Variants in DOCK5 observed in about 807,000 individuals in gnomAD.
DOCK5 encodes dedicator of cytokinesis 5, also known as dedicator of cytokinesis protein 5.
Under a neutral mutation model 251.8 loss-of-function variants are expected in DOCK5, and 142 were observed. The ratio of observed to expected loss-of-function variants is 0.56; its 90% confidence interval spans 0.49 to 0.65. The LOEUF (loss-of-function observed/expected upper bound fraction) is 0.65, where lower values mean the gene tolerates loss of function less well. Among genes scored for constraint, DOCK5 ranks in the 30% least tolerant of loss-of-function variants. The probability of loss-of-function intolerance (pLI) is 0.00; values close to 1 mark genes in which losing one functional copy is unlikely to be tolerated. For missense variants in DOCK5, 2,111 were observed against 2,312.3 expected, an observed-to-expected ratio of 0.91 and a Z score of 1.79; for synonymous variants, 842 against 835.5, an observed-to-expected ratio of 1.01 and a Z score of -0.13.
intron 1 of DOCK5, among the ~76,000 whole-genome samples, chr8:25,192,604 C>T: frequency 6.6e-6 from 1 of 152,168 alleles, no homozygotes; most frequent in Non-Finnish European, 1.5e-5. Flanking sequence ...TTCCTGAGCT[C>T]AAGCGATTCT....
intron 2 of DOCK5, among the ~76,000 whole-genome samples, chr8:25,253,907 T>C (rs1803342771): frequency 1.3e-5 from 2 of 152,200 alleles, no homozygotes; most frequent in South Asian, 4.1e-4. Flanking sequence ...TCTAAAGTTA[T>C]GTGGAGAGGC....
chr8:25,390,334 C>T (rs1251668522), intron 42 of DOCK5, 47 bp downstream of exon 42: 17 of 1,449,272 alleles, frequency 1.2e-5, no homozygotes, highest in Non-Finnish European at 1.6e-5. Flanking sequence ...TGTCTAGGCA[C>T]AGTGGCTCAC....
At chr8:25,407,456 C>A (rs1286376247) in intron 48 of DOCK5, among the ~76,000 whole-genome samples, 1 of 152,142 alleles carries the variant, frequency 6.6e-6, no homozygotes, top group Non-Finnish European at 1.5e-5. Flanking sequence ...ATAAGATACT[C>A]CCTAATATTT....
chr8:25,351,167 C>G (rs1800460478), intron 26 of DOCK5, among the ~76,000 whole-genome samples: 1 of 152,170 alleles, frequency 6.6e-6, no homozygotes, highest in African/African-American at 2.4e-5. Flanking sequence ...CCGCCATTCT[C>G]CTGCCTCAGC....
intron 26 of DOCK5, 52 bp downstream of exon 26, chr8:25,345,663 A>T: frequency 6.2e-7 from 1 of 1,601,902 alleles, no homozygotes; most frequent in South Asian, 1.1e-5. Flanking sequence ...TCCCCTTTGC[A>T]CCAGACAGGA....
intron 44 of DOCK5, among the ~76,000 whole-genome samples, chr8:25,393,729 G>T (rs747891472): frequency 2.0e-5 from 3 of 152,160 alleles, no homozygotes; most frequent in Admixed American, 1.3e-4. Flanking sequence ...CCTGCCCTTT[G>T]TCTGTCCCCT....
intron 48 of DOCK5, among the ~76,000 whole-genome samples, chr8:25,406,014 AGTGGTGC>A (rs1801516095): frequency 6.6e-6 from 1 of 152,060 alleles, no homozygotes; most frequent in Admixed American, 6.6e-5. Context: ...GCTGGAGTGC[AGTGGTGC>A]GATCTCGGCT....
At chr8:25,296,746 C>G (rs1028137008) in intron 7 of DOCK5, 98 bp downstream of exon 7, 1 of 1,451,100 alleles carries the variant, frequency 6.9e-7, no homozygotes. Flanking sequence ...AAAACTACTT[C>G]TGTAGTTTTC....
At chr8:25,386,475 A>G (rs894295154) in intron 40 of DOCK5, among the ~76,000 whole-genome samples, 11 of 152,142 alleles carry the variant, frequency 7.2e-5, no homozygotes, top group African/African-American at 1.7e-4. Flanking sequence ...AGCATGTGCT[A>G]TGGTCCTAGC....
intron 26 of DOCK5, among the ~76,000 whole-genome samples, chr8:25,348,293 G>A (rs745568613): frequency 3.3e-5 from 5 of 152,146 alleles, no homozygotes; most frequent in Non-Finnish European, 5.9e-5. Context: ...GCTGCAGTAA[G>A]CACCTCTGTG....
chr8:25,195,074 C>A (rs1329683536), intron 1 of DOCK5, among the ~76,000 whole-genome samples: 1 of 151,918 alleles, frequency 6.6e-6, no homozygotes, highest in Non-Finnish European at 1.5e-5. Flanking sequence ...GTGCGCATCA[C>A]CACACCTGGC....
At chr8:25,190,806 C>T (rs907251370) in intron 1 of DOCK5, among the ~76,000 whole-genome samples, 62 of 16,470 alleles carry the variant, frequency 3.8e-3, no homozygotes, top group African/African-American at 6.7e-3. Context: ...TTTTTTGAGA[C>T]GGAGTCTTGC....
intron 2 of DOCK5, among the ~76,000 whole-genome samples, chr8:25,255,343 C>T (rs1433692004): frequency 1.3e-5 from 2 of 152,184 alleles, no homozygotes; most frequent in Non-Finnish European, 2.9e-5. Context: ...CACAGTGTTA[C>T]ATCCAGACAA....
In DOCK5 at chr8:25,412,042, C is replaced by T. The variant is rs898447112; in HGVS notation, c.*744C>T. The T allele has an allele frequency of 2.0e-5, 3 of 146,896 alleles. No individual in the cohort carries two copies. The highest frequency in any genetic ancestry group is 2.2e-4 in the South Asian group (1 of 4,584). The allele number at this position is 146,896 out of a possible 1,614,324, so 9.1% of individuals were successfully genotyped here. On this transcript the variant is annotated 3_prime_UTR_variant, in exon 52 of 52. Transcript: ENST00000276440. ...CTGCGTCGCAGTCACTCCTTCCCTA[C>T]GGACTTCTTTGAAGCTCTTCCTTTT...
chr8:25,335,582 G>T (rs531400137), intron 21 of DOCK5, among the ~76,000 whole-genome samples: 1 of 151,834 alleles, frequency 6.6e-6, no homozygotes, highest in East Asian at 1.9e-4. Context: ...TTCTAGGAAA[G>T]CTCAAGGATC....
Sources: allele counts gnomAD v4.1 joint callset (sites outside exome capture counted in the v4.1 genomes callset), GRCh38; gene constraint gnomAD v4.1.1; transcripts MANE v1.5; gene names NCBI Gene and HGNC (gene_info 2026-07-23, HGNC 2026-07-21).